Variants in PCDHGA3 observed in about 807,000 individuals in gnomAD.
The protein encoded by PCDHGA3 is protocadherin gamma-A3.
PCDHGA3 carries 40 observed loss-of-function variants against 58.5 expected under a neutral mutation model. That is an observed-to-expected ratio of 0.68 (90% CI 0.53 to 0.89). PCDHGA3 has a LOEUF of 0.89. Ranked by LOEUF, PCDHGA3 falls within the 40% of genes least tolerant of loss-of-function variation. The probability of loss-of-function intolerance (pLI) is 0.00; values close to 1 mark genes in which losing one functional copy is unlikely to be tolerated. For synonymous variants in PCDHGA3, 530 were observed against 525.7 expected (o/e 1.01, Z -0.11); for missense variants, 1,223 against 1,195.9 (o/e 1.02, Z -0.33).
intron 1 of PCDHGA3, chr5:141,388,948 T>C (rs751779962): frequency 7.4e-6 from 12 of 1,613,904 alleles, no homozygotes; most frequent in Admixed American, 1.7e-5. Context: ...AACCTAATTA[T>C]GGAGGACGCC....
In PCDHGA3 at chr5:141,398,254, A is replaced by G. The variant is rs868152545; in HGVS notation, c.2424+51797A>G. 5.5e-6 allele frequency: 8 copies of G among 1,465,970 alleles called. No homozygotes were observed. In the African/African-American group the frequency reaches 8.6e-5, roughly 16 times the overall value. The allele number at this position is 1,465,970 out of a possible 1,614,324, so 90.8% of individuals were successfully genotyped here. On this transcript the variant is annotated intron_variant, in intron 1 of 3. Transcript: ENST00000253812. ...CTACAGGATTCCCGAGGAAATGCCC[A>G]AGGGCTCCGTAGTGGGGAACCTCGC... is the stretch of plus-strand genomic sequence containing the variant.
intron 1 of PCDHGA3, chr5:141,410,413 TG>T: frequency 6.2e-7 from 1 of 1,614,056 alleles, no homozygotes; most frequent in Non-Finnish European, 8.5e-7. Flanking sequence ...AGTCTGGACC[TG>T]TAGTTCCCCC....
intron 1 of PCDHGA3, chr5:141,357,555 T>C (rs1760655729): frequency 1.2e-5 from 20 of 1,614,086 alleles, no homozygotes; most frequent in Non-Finnish European, 1.7e-5. Flanking sequence ...GGGAGAGTTG[T>C]GAGAAAAGCG....
At position 141,432,009 on chromosome 5, in the gene PCDHGA3, G is replaced by T. The variant is rs1227754190; in HGVS notation, c.2425-62798G>T. ...GTCTTGGATAGGGAACAGGTTCCTAGCTACAACATCACAGTGACCGCCACT... is the reference window on the plus strand; with the variant it reads ...GTCTTGGATAGGGAACAGGTTCCTATCTACAACATCACAGTGACCGCCACT... On this transcript the variant is annotated intron_variant, in intron 1 of 3. Transcript: ENST00000253812. The surrounding 1 kb of genome is among the most constrained non-coding windows in gnomAD (Gnocchi z 6.0). 1 of 1,614,070 alleles carries T rather than the reference G, an allele frequency of 6.2e-7. No homozygotes were observed. The highest frequency in any genetic ancestry group is 8.5e-7 in the Non-Finnish European group (1 of 1,180,032).
intron 1 of PCDHGA3, among the ~76,000 whole-genome samples, chr5:141,484,322 T>C (rs2099594801): frequency 6.6e-6 from 1 of 152,214 alleles, no homozygotes; most frequent in Non-Finnish European, 1.5e-5. Flanking sequence ...TTCCATACTG[T>C]CCTTGAAATC....
At position 141,511,187 on chromosome 5, in the gene PCDHGA3, C is replaced by T; in HGVS notation, c.*14C>T. The stretch of plus-strand genomic sequence containing the variant: ...GAGAAGAAGTAACATGGAGGCCAGG[C>T]CAAGAGCCACAGGGCGGCCTCTCCC... On this transcript the variant is annotated 3_prime_UTR_variant, in exon 4 of 4. Transcript: ENST00000253812. The T allele has an allele frequency of 1.2e-6, 2 of 1,613,868 alleles. No homozygotes were observed. The highest frequency in any genetic ancestry group is 1.7e-6 in the Non-Finnish European group (2 of 1,179,878).
Position 141,344,984 on chromosome 5 carries a change from T to A in PCDHGA3, c.951T>A (p.Ile317=), listed in dbSNP as rs766916840. 2 of 1,613,932 alleles carry A rather than the reference T, an allele frequency of 1.2e-6. No homozygotes were observed. Among genetic ancestry groups the A allele is most frequent in the Non-Finnish European group, 1.7e-6 (2 of 1,179,834 alleles). ...LDYEDAMFYE[I]KIEAQDGPGL... ...ATGAGGATGCCATGTTCTATGAAAT[T>A]AAAATTGAAGCACAGGATGGACCAG... Residue 317 remains isoleucine, a synonymous_variant, in exon 1 of 4, where the codon ATT becomes ATA. Transcript: ENST00000253812.
intron 1 of PCDHGA3, chr5:141,417,591 C>T (rs1287721863): frequency 2.1e-6 from 1 of 484,478 alleles, no homozygotes; most frequent in East Asian, 3.4e-5. Context: ...CACAGAGCCT[C>T]TGGGCGCCGC....
At chr5:141,453,370 G>A (rs969698165) in intron 1 of PCDHGA3, among the ~76,000 whole-genome samples, 1 of 152,046 alleles carries the variant, frequency 6.6e-6, no homozygotes, top group Non-Finnish European at 1.5e-5. Context: ...CTGGGGTCAA[G>A]TGATCCTCCT....
chr5:141,422,470 T>C, intron 1 of PCDHGA3: 1 of 1,613,440 alleles, frequency 6.2e-7, no homozygotes, highest in Non-Finnish European at 8.5e-7. Flanking sequence ...GGACAGGGAG[T>C]TGGTCCAGAG....
intron 1 of PCDHGA3, chr5:141,376,235 C>T: frequency 1.2e-6 from 2 of 1,614,198 alleles, no homozygotes; most frequent in Non-Finnish European, 1.7e-6. Flanking sequence ...CAGACTGCAG[C>T]GCTGGCACAA....
chr5:141,440,980 C>T (rs972732898), intron 1 of PCDHGA3: 1 of 152,242 alleles, frequency 6.6e-6, no homozygotes. Context: ...GCTTCACAAC[C>T]CAGAGTACCC....
At position 141,345,082 on chromosome 5, in the gene PCDHGA3, C is replaced by T. The variant is rs200905776; in HGVS notation, c.1049C>T (p.Thr350Met). 5.5e-5 allele frequency: 88 copies of T among 1,613,836 alleles called. No homozygotes were observed. Among genetic ancestry groups the T allele is most frequent in the Non-Finnish European group, 5.6e-5 (66 of 1,179,884 alleles). ...GACAATGCTCCAGAAATTACAATCA[C>T]GTCTCTCACAAGCTCAGTCCCAGAA... ...VNDNAPEITI[T>M]SLTSSVPEEG... Residue 350 changes from threonine to methionine, a missense_variant, in exon 1 of 4, where the codon ACG becomes ATG. This residue lies in a region of PCDHGA3 where 791 missense variants were observed against 708.5 expected (regional missense o/e 1.12). Coordinates refer to ENST00000253812, the MANE Select transcript of PCDHGA3 (RefSeq NM_018916.4).
At chr5:141,417,888 G>T (rs1406210540) in intron 1 of PCDHGA3, 1 of 1,566,768 alleles carries the variant, frequency 6.4e-7, no homozygotes, top group Middle Eastern at 1.7e-4. Context: ...CAGAGGCGCC[G>T]GGCCGGCCCG....
intron 1 of PCDHGA3, chr5:141,384,297 C>A (rs753406812): frequency 1.2e-6 from 2 of 1,613,848 alleles, no homozygotes; most frequent in South Asian, 2.2e-5. Context: ...AGAACAACCC[C>A]AGAGGGGCCT....
intron 1 of PCDHGA3, chr5:141,409,843 C>G: frequency 6.2e-7 from 1 of 1,611,804 alleles, no homozygotes; most frequent in Non-Finnish European, 8.5e-7. Context: ...CCAACGTGAG[C>G]CTGCGCGTGT....
At chr5:141,428,882 T>C in intron 1 of PCDHGA3, 1 of 151,216 alleles carries the variant, frequency 6.6e-6, no homozygotes, top group African/African-American at 2.4e-5. Context: ...TTGGACGGAG[T>C]CTCGCTCTGT....
chr5:141,369,135 G>A (rs1312211190), intron 1 of PCDHGA3, among the ~76,000 whole-genome samples: 2 of 152,130 alleles, frequency 1.3e-5, no homozygotes, highest in African/African-American at 4.8e-5. Context: ...CAGAAACATG[G>A]AAAATGGCAT....
intron 1 of PCDHGA3, among the ~76,000 whole-genome samples, chr5:141,436,604 G>A (rs2097836057): frequency 6.6e-6 from 1 of 152,146 alleles, no homozygotes; most frequent in Admixed American, 6.5e-5. Context: ...GTGATGGCTA[G>A]GGCTAACAAA....
Sources: gnomAD v4.1 joint callset for allele counts (sites outside exome capture counted in the v4.1 genomes callset) on GRCh38, gnomAD v4.1.1 for gene constraint, gnomAD v4.1.1 regional missense constraint, Gnocchi (gnomAD v3.1) non-coding constraint, MANE v1.5 for transcripts, NCBI Gene and HGNC (gene_info 2026-07-23, HGNC 2026-07-21) for gene names.